The following NALF1 variants were observed in gnomAD, a reference collection of about 807,000 sequenced individuals.
NALF1 encodes the protein NALCN channel auxiliary factor 1.
Under a neutral mutation model 48.4 loss-of-function variants are expected in NALF1, and 3 were observed. The observed-to-expected ratio is 0.06, with a 90% CI of 0.03 to 0.16. The LOEUF (loss-of-function observed/expected upper bound fraction) is 0.16, where lower values mean the gene tolerates loss of function less well. Among genes scored for constraint, NALF1 ranks in the 10% least tolerant of loss-of-function variants. The pLI is 1.00. For synonymous variants in NALF1, 262 were observed against 245.7 expected (o/e 1.07, Z -0.62); for missense variants, 526 against 571.5 (o/e 0.92, Z 0.81).
chr13:107,513,481 G>C (rs1237637968), intron 1 of NALF1, among the ~76,000 whole-genome samples: 1 of 151,776 alleles, frequency 6.6e-6, no homozygotes, highest in Non-Finnish European at 1.5e-5. Flanking sequence ...CATTGTTTAA[G>C]ACTGAAGCAT....
chr13:107,594,180 C>G (rs1297226432), intron 1 of NALF1, among the ~76,000 whole-genome samples: 1 of 152,020 alleles, frequency 6.6e-6, no homozygotes, highest in African/African-American at 2.4e-5. Context: ...TCTACATAAT[C>G]TCCAAATCCC....
chr13:107,385,936 A>G (rs1392172240), intron 1 of NALF1, among the ~76,000 whole-genome samples: 1 of 152,220 alleles, frequency 6.6e-6, no homozygotes, highest in Non-Finnish European at 1.5e-5. Flanking sequence ...CTCTTGGAAG[A>G]TAAGCAGTCC....
intron 1 of NALF1, among the ~76,000 whole-genome samples, chr13:107,338,021 A>G (rs569518612): frequency 6.6e-6 from 1 of 152,366 alleles, no homozygotes; most frequent in South Asian, 2.1e-4. Context: ...TGTTACATAC[A>G]AAGTGTCATA....
Position 107,494,195 on chromosome 13 carries a change from C to T in NALF1, c.916-283440G>A, listed in dbSNP as rs148742376. Reference sequence around the variant, plus strand: ...CACTTGTCTTCTTGCCATGCTGAAACCGGTAGGCGAAAATTACCAAAAGAA... The same window carrying T: ...CACTTGTCTTCTTGCCATGCTGAAATCGGTAGGCGAAAATTACCAAAAGAA... On this transcript the variant is annotated intron_variant, in intron 1 of 2. Transcript: ENST00000375915. Among the ~76,000 whole-genome samples the T allele has an allele frequency of 2.1e-3, 285 of 138,466 alleles. 6 individuals are homozygous for T. Among genetic ancestry groups the T allele is most frequent in the Middle Eastern group, 0.01 (3 of 288 alleles). The allele number at this position is 138,466 out of a possible 152,430, so 90.8% of individuals were successfully genotyped here. A position where few individuals can be genotyped will look rare whatever the true frequency, so the allele number is the denominator to read the frequency against.
At chr13:107,365,961 G>C (rs556999320) in intron 1 of NALF1, among the ~76,000 whole-genome samples, 1 of 152,342 alleles carries the variant, frequency 6.6e-6, no homozygotes, top group African/African-American at 2.4e-5. Context: ...GCAACAGTGA[G>C]ATGACAAAGC....
In NALF1 at chr13:107,866,529, C is replaced by G. The variant is rs1160566710; in HGVS notation, c.68G>C (p.Arg23Pro). 6.2e-7 allele frequency: 1 copy of G among 1,613,586 alleles called. No individual in the cohort carries two copies. Among genetic ancestry groups the G allele is most frequent in the Admixed American group, 1.7e-5 (1 of 59,986 alleles). Residue 23 changes from arginine (R) to proline (P), a missense_variant, in exon 1 of 3, where the codon CGA becomes CCA. By Grantham distance (103) the Arg-to-Pro change is moderately radical. Transcript: ENST00000375915. This position sits in a 1 kb window ranked among gnomAD's most constrained non-coding sequence, Gnocchi z 4.4. ...DGLKIWLAAP[R>P]ENEKPFIDSE... The stretch of plus-strand genomic sequence containing the variant: ...ATCGATGAACGGTTTCTCGTTCTCT[C>G]GGGGTGCTGCCAACCAGATTTTTAA...
At chr13:107,766,181 G>T (rs1230579550) in intron 1 of NALF1, among the ~76,000 whole-genome samples, 3 of 152,158 alleles carry the variant, frequency 2.0e-5, no homozygotes, top group Non-Finnish European at 4.4e-5. Context: ...CCATTAGCCT[G>T]AGAAGCTTAG....
intron 1 of NALF1, among the ~76,000 whole-genome samples, chr13:107,400,476 G>A (rs1215314046): frequency 6.6e-6 from 1 of 152,064 alleles, no homozygotes; most frequent in Non-Finnish European, 1.5e-5. Flanking sequence ...AGCACTTTTG[G>A]AGGCTGAGGC....
At chr13:107,404,584 A>T (rs992547664) in intron 1 of NALF1, among the ~76,000 whole-genome samples, 1 of 152,152 alleles carries the variant, frequency 6.6e-6, no homozygotes, top group East Asian at 1.9e-4. Context: ...AATTGTAGGG[A>T]ACAAATTTGG....
intron 1 of NALF1, among the ~76,000 whole-genome samples, chr13:107,800,226 G>T (rs1594275960): frequency 6.6e-6 from 1 of 152,246 alleles, no homozygotes; most frequent in South Asian, 2.1e-4. Context: ...ATTGCACTTT[G>T]CCTGGCTGTC....
intron 1 of NALF1, among the ~76,000 whole-genome samples, chr13:107,327,830 A>T (rs1882392499): frequency 6.6e-6 from 1 of 152,120 alleles, no homozygotes; most frequent in Non-Finnish European, 1.5e-5. Flanking sequence ...TGACTCTATA[A>T]ACCTTTGTCC....
At chr13:107,345,602 A>G (rs755983515) in intron 1 of NALF1, among the ~76,000 whole-genome samples, 1 of 152,222 alleles carries the variant, frequency 6.6e-6, no homozygotes, top group Non-Finnish European at 1.5e-5. Context: ...TGGATGATCA[A>G]GAACCCTTAT....
intron 1 of NALF1, among the ~76,000 whole-genome samples, chr13:107,524,292 T>C (rs923815090): frequency 1.3e-5 from 2 of 152,080 alleles, no homozygotes; most frequent in Non-Finnish European, 2.9e-5. Flanking sequence ...AGTGAGCCAG[T>C]TGATTGAAAA....
chr13:107,256,383 C>G (rs1880815192), intron 1 of NALF1, among the ~76,000 whole-genome samples: 1 of 151,870 alleles, frequency 6.6e-6, no homozygotes, highest in African/African-American at 2.4e-5. Flanking sequence ...CAGAAACTGG[C>G]AAAAAAATAT....
intron 1 of NALF1, among the ~76,000 whole-genome samples, chr13:107,387,150 T>C (rs909458604): frequency 6.6e-6 from 1 of 152,174 alleles, no homozygotes; most frequent in Non-Finnish European, 1.5e-5. Flanking sequence ...ATTTCAGCCA[T>C]TTTAAATGTC....
intron 1 of NALF1, among the ~76,000 whole-genome samples, chr13:107,407,549 T>G (rs1883920499): frequency 6.6e-6 from 1 of 152,078 alleles, no homozygotes; most frequent in South Asian, 2.1e-4. Flanking sequence ...CAATCAAAAC[T>G]ACTGTGAGAT....
chr13:107,762,951 A>G (rs1440953315), intron 1 of NALF1, among the ~76,000 whole-genome samples: 2 of 152,174 alleles, frequency 1.3e-5, no homozygotes, highest in African/African-American at 4.8e-5. Flanking sequence ...AGGAACTGAC[A>G]CAACCAAAAT....
intron 1 of NALF1, among the ~76,000 whole-genome samples, chr13:107,294,561 T>A (rs906443133): frequency 1.3e-5 from 2 of 152,218 alleles, no homozygotes; most frequent in Admixed American, 1.3e-4. Context: ...ATGTGCAAGA[T>A]TCTCTTCTAA....
At chr13:107,519,618 T>C (rs969021725) in intron 1 of NALF1, among the ~76,000 whole-genome samples, 23 of 152,006 alleles carry the variant, frequency 1.5e-4, no homozygotes, top group African/African-American at 5.6e-4. Flanking sequence ...AAAGGAAGAG[T>C]TGCTGAGGAA....
Sources: gnomAD v4.1 joint callset for allele counts (sites outside exome capture counted in the v4.1 genomes callset) on GRCh38, gnomAD v4.1.1 for gene constraint, Gnocchi (gnomAD v3.1) non-coding constraint, MANE v1.5 for transcripts, NCBI Gene and HGNC (gene_info 2026-07-23, HGNC 2026-07-21) for gene names.